AFF3: variants seen among roughly 807,000 people sequenced by gnomAD.
AFF3 encodes the protein AF4/FMR2 family member 3.
Under a neutral mutation model 129.7 loss-of-function variants are expected in AFF3, and 32 were observed. The ratio of observed to expected loss-of-function variants is 0.25; its 90% confidence interval spans 0.19 to 0.33. The LOEUF is 0.33. Among genes scored for constraint, AFF3 ranks in the 10% least tolerant of loss-of-function variants. The pLI is 1.00. For missense variants in AFF3, 1,373 were observed against 1,592.0 expected, an observed-to-expected ratio of 0.86 and a Z score of 2.34; for synonymous variants, 644 against 635.4, an observed-to-expected ratio of 1.01 and a Z score of -0.20.
At chr2:99,935,306 A>G (rs1488604329) in intron 7 of AFF3, among the ~76,000 whole-genome samples, 4 of 152,120 alleles carry the variant, frequency 2.6e-5, no homozygotes, top group Non-Finnish European at 5.9e-5. Context: ...GACACTGGCC[A>G]TGTCACTTTC....
chr2:99,705,394 G>A (rs979256806), intron 11 of AFF3, among the ~76,000 whole-genome samples: 8 of 151,980 alleles, frequency 5.3e-5, no homozygotes, highest in Admixed American at 2.0e-4. Flanking sequence ...GGAGAGGAGG[G>A]GGAGAGAAAG....
chr2:99,646,498 G>A lies in AFF3; in HGVS notation c.1184+3128C>T, dbSNP rs553317004. Among the ~76,000 whole-genome samples, 9 of 151,230 alleles carry A rather than the reference G, an allele frequency of 6.0e-5. No homozygotes were observed. In the South Asian group the frequency reaches 1.9e-3, roughly 32 times the overall value. On this transcript the variant is annotated intron_variant, in intron 13 of 24. Coordinates refer to ENST00000672756, the MANE Select transcript of AFF3 (RefSeq NM_001386135.1). ...AATTTTATATAAAGAGGTGATAACA[G>A]GCTGAAAGCAAAAGGTTTAGGGAAC...
At chr2:99,581,222 C>T (rs985139247) in intron 17 of AFF3, among the ~76,000 whole-genome samples, 3 of 152,186 alleles carry the variant, frequency 2.0e-5, no homozygotes, top group African/African-American at 7.2e-5. Flanking sequence ...GTTTATAGTT[C>T]TCTGCGTATC....
At chr2:99,775,846 G>A (rs993909720) in intron 8 of AFF3, among the ~76,000 whole-genome samples, 2 of 152,112 alleles carry the variant, frequency 1.3e-5, no homozygotes, top group Non-Finnish European at 2.9e-5. Context: ...GTAGTTCCTT[G>A]CATGCACTAA....
intron 7 of AFF3, among the ~76,000 whole-genome samples, chr2:99,971,164 C>T (rs1258736729): frequency 2.6e-5 from 4 of 152,096 alleles, no homozygotes; most frequent in African/African-American, 2.4e-5. Flanking sequence ...GGTGAATCTC[C>T]AGGTCCTAGG....
chr2:100,105,521 T>G lies in AFF3; in HGVS notation c.-82A>C. The G allele has an allele frequency of 1.5e-6, 2 of 1,331,212 alleles. No homozygotes were observed. The highest frequency in any genetic ancestry group is 2.0e-6 in the Non-Finnish European group (2 of 1,004,602). 82.5% of individuals were successfully genotyped at this position (1,331,212 alleles called of 1,614,324 possible). A position where few individuals can be genotyped will look rare whatever the true frequency, so the allele number is the denominator to read the frequency against. ...TTTCTCACCGGGAAGGGGGACAAACTGGCCTCTGGGTGTCGACTTCAAACT... is the reference window on the plus strand; with the variant it reads ...TTTCTCACCGGGAAGGGGGACAAACGGGCCTCTGGGTGTCGACTTCAAACT... On this transcript the variant is annotated 5_prime_UTR_variant, in exon 3 of 25. Coordinates refer to ENST00000672756, the MANE Select transcript of AFF3 (RefSeq NM_001386135.1).
At chr2:99,768,595 T>A (rs1683208928) in intron 8 of AFF3, among the ~76,000 whole-genome samples, 1 of 152,262 alleles carries the variant, frequency 6.6e-6, no homozygotes, top group Non-Finnish European at 1.5e-5. Flanking sequence ...CAGTGAGTTT[T>A]ATGCCTTCAG....
intron 8 of AFF3, among the ~76,000 whole-genome samples, chr2:99,821,270 T>C (rs978150623): frequency 6.6e-6 from 1 of 152,204 alleles, no homozygotes; most frequent in Non-Finnish European, 1.5e-5. Flanking sequence ...GGAACACCTC[T>C]GGAAGGATCT....
intron 11 of AFF3, among the ~76,000 whole-genome samples, chr2:99,718,262 G>C (rs1246504734): frequency 6.6e-6 from 1 of 152,138 alleles, no homozygotes; most frequent in South Asian, 2.1e-4. Context: ...GAGAAAAATC[G>C]AGATGTCAAC....
chr2:99,822,843 T>TG, intron 8 of AFF3, among the ~76,000 whole-genome samples: 1 of 151,832 alleles, frequency 6.6e-6, no homozygotes, highest in Non-Finnish European at 1.5e-5. Context: ...GAGTTCGGGG[T>TG]GGGGGTGTGC....
At chr2:100,064,495 T>G (rs767865201) in intron 4 of AFF3, among the ~76,000 whole-genome samples, 2 of 152,266 alleles carry the variant, frequency 1.3e-5, no homozygotes. Context: ...ACTGAATATC[T>G]GAATTGCTAC....
intron 4 of AFF3, among the ~76,000 whole-genome samples, chr2:100,009,588 T>C (rs543049973): frequency 2.6e-5 from 4 of 152,138 alleles, no homozygotes; most frequent in East Asian, 1.9e-4. Context: ...AGAACGGAAA[T>C]TGAATTATGT....
chr2:99,753,170 G>T (rs1360618401), intron 8 of AFF3, among the ~76,000 whole-genome samples: 1 of 152,002 alleles, frequency 6.6e-6, no homozygotes, highest in East Asian at 1.9e-4. Flanking sequence ...GCGTGATCTG[G>T]CTCACTGCAA....
At chr2:99,981,891 T>A (rs1679437787) in intron 7 of AFF3, among the ~76,000 whole-genome samples, 1 of 152,240 alleles carries the variant, frequency 6.6e-6, no homozygotes, top group Admixed American at 6.5e-5. Context: ...GCATGTTATG[T>A]TCTTGTCCAT....
chr2:99,845,457 G>A (rs528853367), intron 7 of AFF3, among the ~76,000 whole-genome samples: 19 of 152,292 alleles, frequency 1.2e-4, no homozygotes, highest in African/African-American at 4.3e-4. Flanking sequence ...ATGAGAAGCA[G>A]ACAGTGATTT....
intron 7 of AFF3, among the ~76,000 whole-genome samples, chr2:99,876,433 CAGTA>C (rs1692304964): frequency 1.3e-5 from 2 of 152,180 alleles, no homozygotes; most frequent in South Asian, 4.1e-4. Flanking sequence ...TTCACTTCAT[CAGTA>C]AGTCAGGACA....
intron 7 of AFF3, among the ~76,000 whole-genome samples, chr2:99,908,328 A>C (rs1169795064): frequency 6.6e-6 from 1 of 152,228 alleles, no homozygotes; most frequent in Non-Finnish European, 1.5e-5. Flanking sequence ...AAATTAATTC[A>C]AGATGGATTA....
chr2:100,107,090 C>G (rs1405312872), intron 2 of AFF3: 1 of 985,434 alleles, frequency 1.0e-6, no homozygotes, highest in Non-Finnish European at 1.2e-6. Context: ...TTTGGGGCCT[C>G]TAACATGGGG....
At chr2:99,685,188 G>T (rs1674933833) in intron 11 of AFF3, among the ~76,000 whole-genome samples, 1 of 151,684 alleles carries the variant, frequency 6.6e-6, no homozygotes, top group South Asian at 2.1e-4. Context: ...TGATCTGCCT[G>T]CCTCAGACTC....
Sources: allele counts gnomAD v4.1 joint callset (sites outside exome capture counted in the v4.1 genomes callset), GRCh38; gene constraint gnomAD v4.1.1; transcripts MANE v1.5; gene names NCBI Gene and HGNC (gene_info 2026-07-23, HGNC 2026-07-21).